The following VGLL4 variants were observed in gnomAD, a reference collection of about 807,000 sequenced individuals.
VGLL4 encodes the protein vestigial like family member 4, also known as transcription cofactor vestigial-like protein 4.
A neutral mutation model predicts 21.0 loss-of-function variants in VGLL4; 7 were observed. The ratio of observed to expected loss-of-function variants is 0.33; its 90% CI spans 0.19 to 0.63. VGLL4 has a LOEUF of 0.63. VGLL4 is among the 20% of genes least tolerant of loss of function. The pLI is 0.78. For missense variants in VGLL4, 394 were observed against 425.7 expected (o/e 0.93, Z 0.66); for synonymous variants, 222 against 173.2 (o/e 1.28, Z -2.21).
chr3:11,635,405 C>G (rs553781854), intron 1 of VGLL4, among the ~76,000 whole-genome samples: 1 of 152,320 alleles, frequency 6.6e-6, no homozygotes, highest in Non-Finnish European at 1.5e-5. Flanking sequence ...GCCTTCATTT[C>G]CCCTGAAGGA....
intron 1 of VGLL4, among the ~76,000 whole-genome samples, chr3:11,704,891 T>C (rs1363952065): frequency 6.6e-6 from 1 of 152,170 alleles, no homozygotes; most frequent in East Asian, 1.9e-4. Flanking sequence ...AAATAACAGA[T>C]GAATTCTGAA....
At chr3:11,635,230 T>C (rs1170773784) in intron 1 of VGLL4, among the ~76,000 whole-genome samples, 1 of 152,176 alleles carries the variant, frequency 6.6e-6, no homozygotes, top group Admixed American at 6.5e-5. Context: ...GCAAGGACGA[T>C]ACAGTCTAAT....
At chr3:11,573,355 GAAAGAAAGAAAGAAAGAAAGAA>G (rs2073924867) in intron 2 of VGLL4, among the ~76,000 whole-genome samples, 40 of 94,544 alleles carry the variant, frequency 4.2e-4, no homozygotes, top group African/African-American at 1.3e-3. Flanking sequence ...AAGAAAGAAA[GAAAGAAAGAAAGAAAGAAAGAA>G]AGAAAGAAAG....
At chr3:11,651,346 AAAAG>A (rs1320568269) in intron 2 of VGLL4, among the ~76,000 whole-genome samples, 4 of 151,912 alleles carry the variant, frequency 2.6e-5, no homozygotes, top group African/African-American at 7.3e-5. Context: ...CAAAAAAAAA[AAAAG>A]AAAGAAAGAA....
At chr3:11,560,067 C>G (rs1003709125) in intron 3 of VGLL4, among the ~76,000 whole-genome samples, 1 of 152,130 alleles carries the variant, frequency 6.6e-6, no homozygotes, top group East Asian at 1.9e-4. Flanking sequence ...CCCCCACCCC[C>G]ACGCTGTCTG....
At chr3:11,687,299 G>GA (rs2076462948) in intron 2 of VGLL4, among the ~76,000 whole-genome samples, 1 of 152,060 alleles carries the variant, frequency 6.6e-6, no homozygotes, top group African/African-American at 2.4e-5. Context: ...ATCTTTGACT[G>GA]AATTTTCCTA....
At chr3:11,705,036 G>A (rs946803604) in intron 1 of VGLL4, among the ~76,000 whole-genome samples, 2 of 152,320 alleles carry the variant, frequency 1.3e-5, no homozygotes, top group East Asian at 1.9e-4. Context: ...GAGTAAAATG[G>A]GGACAGAAAG....
intron 2 of VGLL4, among the ~76,000 whole-genome samples, chr3:11,676,114 G>A (rs888175378): frequency 2.6e-5 from 4 of 152,174 alleles, no homozygotes; most frequent in Admixed American, 1.3e-4. Context: ...TTGGCCGGGT[G>A]CAGTGGCTCA....
intron 3 of VGLL4, among the ~76,000 whole-genome samples, chr3:11,563,097 A>G (rs181650878): frequency 9.8e-5 from 15 of 152,340 alleles, no homozygotes; most frequent in Admixed American, 9.8e-4. Context: ...TCAAGGAAAT[A>G]AATCATCCAA....
At chr3:11,590,044 C>T (rs1241681253) in intron 2 of VGLL4, among the ~76,000 whole-genome samples, 1 of 152,156 alleles carries the variant, frequency 6.6e-6, no homozygotes, top group African/African-American at 2.4e-5. Flanking sequence ...TTCTCAAAGC[C>T]TGAAAGGTGC....
rs1377275788 is a variant in VGLL4 at position 11,558,063 on chromosome 3, T to A, written c.*493A>T. ...TAAAGTTGTCAGGCAACTTTAGTCC[T>A]CCTCCAATAGTGCAAATCAGACACG... On this transcript the variant is annotated 3_prime_UTR_variant, in exon 5 of 5. Transcript: ENST00000430365. 1 of 160,772 alleles carries A rather than the reference T, an allele frequency of 6.2e-6. No individual in the cohort carries two copies. Among genetic ancestry groups the A allele is most frequent in the African/African-American group, 2.4e-5 (1 of 41,612 alleles). 10.0% of individuals were successfully genotyped at this position (160,772 alleles called of 1,614,324 possible).
intron 1 of VGLL4, among the ~76,000 whole-genome samples, chr3:11,709,386 G>A (rs542687519): frequency 2.4e-4 from 35 of 147,588 alleles, no homozygotes; most frequent in South Asian, 1.1e-3. Flanking sequence ...GCAGTGAGCC[G>A]AGATTGCACC....
intron 2 of VGLL4, among the ~76,000 whole-genome samples, chr3:11,579,706 C>A (rs142010677): frequency 6.6e-6 from 1 of 152,118 alleles, no homozygotes; most frequent in Non-Finnish European, 1.5e-5. Context: ...CCCTCCCCCC[C>A]AAGTTTCATG....
At chr3:11,630,792 T>G (rs904576226) in intron 1 of VGLL4, among the ~76,000 whole-genome samples, 1 of 152,192 alleles carries the variant, frequency 6.6e-6, no homozygotes, top group Non-Finnish European at 1.5e-5. Context: ...AATCCGGCAA[T>G]TCTACTAAGT....
intron 2 of VGLL4, among the ~76,000 whole-genome samples, chr3:11,660,984 C>T (rs769233854): frequency 1.1e-4 from 16 of 152,124 alleles, no homozygotes; most frequent in Non-Finnish European, 1.9e-4. Context: ...ATTTCAGTGT[C>T]ATCAGGGTGG....
Position 11,649,895 on chromosome 3 carries a change from ATTTGGTTTGGTTTGG to A in VGLL4, c.65-47888_65-47874del, listed in dbSNP as rs139823468. Among the ~76,000 whole-genome samples, 1,373 of 144,608 alleles carry A rather than the reference ATTTGGTTTGGTTTGG, an allele frequency of 9.5e-3. 13 individuals carry two copies. Among genetic ancestry groups the A allele is most frequent in the African/African-American group, 0.028 (1,067 of 37,888 alleles). 94.9% of individuals were successfully genotyped at this position (144,608 alleles called of 152,430 possible). On this transcript the variant is annotated intron_variant, in intron 2 of 5. Coordinates refer to the VGLL4 transcript ENST00000273038. ...CTCCCCCACAGCACACAAGTGCTCT[ATTTGGTTTGGTTTGG>A]TTTGGTTTGGTTTGGTTTGGTTTGG...
intron 1 of VGLL4, among the ~76,000 whole-genome samples, chr3:11,628,638 G>A (rs1342703237): frequency 1.3e-5 from 2 of 151,324 alleles, no homozygotes; most frequent in African/African-American, 2.4e-5. Flanking sequence ...AGCTAACACG[G>A]TGAAACCCCG....
At chr3:11,570,554 C>G (rs866668398) in intron 2 of VGLL4, among the ~76,000 whole-genome samples, 2 of 152,186 alleles carry the variant, frequency 1.3e-5, no homozygotes, top group South Asian at 2.1e-4. Context: ...ACCAGATGTT[C>G]TAATAACTGT....
chr3:11,604,559 G>C, intron 1 of VGLL4: 1 of 932,142 alleles, frequency 1.1e-6, no homozygotes, highest in Non-Finnish European at 1.3e-6. Context: ...GGTAACTGTT[G>C]TATGTGTGGT....
Sources: allele counts gnomAD v4.1 joint callset (sites outside exome capture counted in the v4.1 genomes callset), GRCh38; gene constraint gnomAD v4.1.1; transcripts MANE v1.5; gene names NCBI Gene and HGNC (gene_info 2026-07-23, HGNC 2026-07-21).